NEK1: variants seen among roughly 807,000 people sequenced by gnomAD.
NEK1 encodes the protein serine/threonine-protein kinase Nek1.
A neutral mutation model predicts 182.1 loss-of-function variants in NEK1; 137 were observed. The observed-to-expected ratio is 0.75, with a 90% confidence interval of 0.65 to 0.87. The LOEUF is 0.87. NEK1 is among the 40% of genes least tolerant of loss of function. NEK1 has a pLI of 0.00. For synonymous variants in NEK1, 513 were observed against 492.2 expected (o/e 1.04, Z -0.56); for missense variants, 1,391 against 1,494.4 (o/e 0.93, Z 1.14).
rs190357439 is a variant in NEK1 at position 169,483,210 on chromosome 4, T to C, written c.2008-3676A>G. Among the ~76,000 whole-genome samples the C allele has an allele frequency of 2.6e-5, 4 of 152,292 alleles. No homozygotes were observed. The East Asian group carries it at 5.8e-4, about 22-fold the overall frequency. ...GGGAACTACCAGTCAGTGGAGCAAT[T>C]AGAACACACACATTCATCAATTAAA... On this transcript the variant is annotated intron_variant, in intron 23 of 35. Transcript: ENST00000507142.
chr4:169,394,577 T>TA (rs917291288), intron 35 of NEK1, 54 bp from the exon 36 acceptor site: 222 of 1,101,558 alleles, frequency 2.0e-4, no homozygotes, highest in African/African-American at 4.2e-4. Flanking sequence ...GTATCTACTT[T>TA]AAAAAAAACC....
At chr4:169,505,135 CT>C (rs1276694110) in intron 23 of NEK1, among the ~76,000 whole-genome samples, 3 of 151,916 alleles carry the variant, frequency 2.0e-5, no homozygotes, top group African/African-American at 7.3e-5. Context: ...TTGTTCTGCC[CT>C]TAGTTGGAAA....
intron 27 of NEK1, among the ~76,000 whole-genome samples, chr4:169,458,827 CAAAAAAA>C (rs201340623): frequency 1.1e-5 from 1 of 90,384 alleles, no homozygotes; most frequent in African/African-American, 3.4e-5. Flanking sequence ...GACCCCATCT[CAAAAAAA>C]AAAAAAAAAA....
intron 19 of NEK1, among the ~76,000 whole-genome samples, chr4:169,528,261 T>C (rs1757179215): frequency 6.6e-6 from 1 of 152,134 alleles, no homozygotes. Context: ...CTTGCTAGCA[T>C]ACACCCTCCA....
At chr4:169,395,686 A>G (rs1730567364) in intron 35 of NEK1, among the ~76,000 whole-genome samples, 1 of 152,244 alleles carries the variant, frequency 6.6e-6, no homozygotes, top group Non-Finnish European at 1.5e-5. Flanking sequence ...TAGAATTAAC[A>G]AAAGCTAACT....
chr4:169,581,761 C>T (rs1766695308), intron 10 of NEK1, among the ~76,000 whole-genome samples: 1 of 152,198 alleles, frequency 6.6e-6, no homozygotes, highest in African/African-American at 2.4e-5. Context: ...TTCTTCAAAA[C>T]TACTGAAGAA....
chr4:169,501,311 C>T (rs72691094), intron 23 of NEK1, among the ~76,000 whole-genome samples: 69,266 of 151,916 alleles, frequency 0.46, 18,498 homozygotes, highest in East Asian at 0.76. Context: ...TAATAGTGGA[C>T]ACTTTAACAC....
chr4:169,445,740 C>T (rs1212659309), intron 27 of NEK1, among the ~76,000 whole-genome samples: 1 of 151,556 alleles, frequency 6.6e-6, no homozygotes, highest in African/African-American at 2.4e-5. Flanking sequence ...ACTATCATCA[C>T]TATTTGAGTG....
Position 169,424,779 on chromosome 4 carries a change from T to G in NEK1, c.2996A>C (p.Gln999Pro). The G allele has an allele frequency of 6.2e-7, 1 of 1,608,802 alleles. No homozygotes were observed. The highest frequency in any genetic ancestry group is 8.5e-7 in the Non-Finnish European group (1 of 1,175,548). The change falls in exon 31 of 36, where the codon CAG becomes CCG. Residue 999 changes from glutamine (Q) to proline (P), a missense_variant. Transcript: ENST00000507142. ...CTTATCTACATCACATTTAGAGTGC[T>G]GAGAATCATTGGTTCCAGGCTCTGT... ...IHIEPGTNDS[Q>P]HSKCDVDKSV...
At chr4:169,419,928 G>A (rs538373460) in intron 31 of NEK1, among the ~76,000 whole-genome samples, 3 of 152,290 alleles carry the variant, frequency 2.0e-5, no homozygotes, top group Admixed American at 6.5e-5. Context: ...TACCATGAAT[G>A]GAGCTTGTGG....
At chr4:169,598,262 C>G (rs1769895371) in intron 5 of NEK1, among the ~76,000 whole-genome samples, 1 of 152,096 alleles carries the variant, frequency 6.6e-6, no homozygotes, top group South Asian at 2.1e-4. Flanking sequence ...AAAAACTTAT[C>G]CAAATTAGAA....
intron 23 of NEK1, among the ~76,000 whole-genome samples, chr4:169,494,469 T>G (rs370501610): frequency 6.6e-6 from 1 of 152,250 alleles, no homozygotes; most frequent in South Asian, 2.1e-4. Context: ...GGTGTATATG[T>G]GCCACATATT....
chr4:169,511,145 A>G (rs1370613367), intron 19 of NEK1, among the ~76,000 whole-genome samples: 2 of 152,160 alleles, frequency 1.3e-5, no homozygotes, highest in Non-Finnish European at 2.9e-5. Context: ...TCTTGGGTGT[A>G]CCAGAGCAAA....
rs1209653197 is a variant in NEK1, at chr4:169,438,205, A to C, written c.2642T>G (p.Val881Gly). 6 of 1,580,188 alleles carry C rather than the reference A, an allele frequency of 3.8e-6. No individual in the cohort carries two copies. Among genetic ancestry groups the C allele is most frequent in the Non-Finnish European group, 5.2e-6 (6 of 1,161,204 alleles). The change falls in exon 28 of 36, where the codon GTA becomes GGA. Residue 881 changes from valine (V) to glycine (G), a missense_variant. Around this residue, in one of 5 missense-constraint regions of NEK1, gnomAD observed 1,216 missense variants for 1,277.6 expected, o/e 0.95. Coordinates refer to ENST00000507142, the MANE Select transcript of NEK1 (RefSeq NM_001199397.3). ...YKPLITGEKKVQCISHEINPS... is the reference protein window; with the variant it reads ...YKPLITGEKKGQCISHEINPS... ...GTTTATTTCATGTGAAATACATTGT[A>C]CTTTTTTTTCTCCAGTAATTAAGGG...
In NEK1 at chr4:169,428,351, G is replaced by GATATATATATATATATATATATATATAT. The variant is rs60550267; in HGVS notation, c.2886-2118_2886-2117insATATATATATATATATATATATATATAT. 9.2e-4 allele frequency among the ~76,000 whole-genome samples: 86 copies of GATATATATATATATATATATATATATAT among 93,178 alleles called. 3 individuals are homozygous for GATATATATATATATATATATATATATAT. The highest frequency in any genetic ancestry group is 1.5e-3 in the African/African-American group (44 of 30,212). The allele number at this position is 93,178 out of a possible 152,430, so 61.1% of individuals were successfully genotyped here. ...ACTGATGAATTATAAAAATATATGG[G>GATATATATATATATATATATATATATAT]ATATATATATATATATATATAATGG... On this transcript the variant is annotated intron_variant, in intron 29 of 35. Transcript: ENST00000507142.
intron 27 of NEK1, among the ~76,000 whole-genome samples, chr4:169,447,273 A>G (rs981873776): frequency 2.6e-5 from 4 of 152,120 alleles, no homozygotes; most frequent in African/African-American, 9.7e-5. Context: ...TAAAGTACTG[A>G]AGGAAAAAAA....
At position 169,426,230 on chromosome 4, in the gene NEK1, C is replaced by T; in HGVS notation, c.2890G>A (p.Ala964Thr). The T allele has an allele frequency of 6.2e-7, 1 of 1,612,596 alleles. No individual in the cohort carries two copies. Among genetic ancestry groups the T allele is most frequent in the South Asian group, 1.1e-5 (1 of 90,718 alleles). ...TTTTCCTGAATGGTGATCCTATCTG[C>T]CGACCTGCCACAGATGGGTACACCA... is the stretch of plus-strand genomic sequence containing the variant. ...EEKETKETQS[A>T]DRITIQENEV... is the part of the protein sequence containing the mutation. The change falls in exon 30 of 36, where the codon GCA (alanine) becomes ACA (threonine). Residue 964 changes from alanine to threonine, a missense_variant. Ala to Thr is a moderately conservative substitution (Grantham distance 58). This residue lies in a region of NEK1 where 1,216 missense variants were observed against 1,277.6 expected (regional missense o/e 0.95). Coordinates refer to ENST00000507142, the MANE Select transcript of NEK1 (RefSeq NM_001199397.3).
chr4:169,453,987 G>T (rs1319250688), intron 27 of NEK1, among the ~76,000 whole-genome samples: 1 of 152,122 alleles, frequency 6.6e-6, no homozygotes. Context: ...CAGATACATA[G>T]ACCAATAGAA....
intron 2 of NEK1, among the ~76,000 whole-genome samples, chr4:169,603,480 G>A (rs1394182596): frequency 6.6e-6 from 1 of 152,080 alleles, no homozygotes; most frequent in Non-Finnish European, 1.5e-5. Flanking sequence ...GCTCAGTTTG[G>A]TCACATGTAA....
Sources: allele counts gnomAD v4.1 joint callset (sites outside exome capture counted in the v4.1 genomes callset), GRCh38; gene constraint gnomAD v4.1.1; regional missense constraint gnomAD v4.1.1; transcripts MANE v1.5; gene names NCBI Gene and HGNC (gene_info 2026-07-23, HGNC 2026-07-21).